The following SHISA9 variants were observed in gnomAD, a reference collection of about 807,000 sequenced individuals.
The protein encoded by SHISA9 is protein shisa-9.
Under a neutral mutation model 38.0 loss-of-function variants are expected in SHISA9, and 13 were observed. The ratio of observed to expected loss-of-function variants is 0.34; its 90% confidence interval spans 0.22 to 0.54. The LOEUF is 0.54. Ranked by LOEUF, SHISA9 falls within the 20% of genes least tolerant of loss-of-function variation. The pLI, the probability that SHISA9 is intolerant of heterozygous loss-of-function variation, is 0.91. For synonymous variants in SHISA9, 275 were observed against 242.0 expected, an observed-to-expected ratio of 1.14 and a Z score of -1.27; for missense variants, 538 against 575.8, an observed-to-expected ratio of 0.93 and a Z score of 0.67.
chr16:13,130,227 A>G (rs1351812951), intron 2 of SHISA9, among the ~76,000 whole-genome samples: 4 of 152,122 alleles, frequency 2.6e-5, no homozygotes, highest in Non-Finnish European at 5.9e-5. Context: ...ATCATTGATT[A>G]TGTCTTATTT....
At chr16:13,086,854 T>TA (rs1434486253) in intron 2 of SHISA9, among the ~76,000 whole-genome samples, 1 of 151,890 alleles carries the variant, frequency 6.6e-6, no homozygotes, top group African/African-American at 2.4e-5. Flanking sequence ...TGTTTTCTTT[T>TA]TTATTATTAT....
intron 2 of SHISA9, among the ~76,000 whole-genome samples, chr16:13,121,300 G>A (rs2050207902): frequency 6.6e-6 from 1 of 152,152 alleles, no homozygotes; most frequent in Non-Finnish European, 1.5e-5. Flanking sequence ...ACCAACCTGG[G>A]TAACATAGTG....
chr16:13,248,585 C>T, the SHISA9 span, among the ~76,000 whole-genome samples: 1 of 152,130 alleles, frequency 6.6e-6, no homozygotes, highest in African/African-American at 2.4e-5. Context: ...CCAGTCATAC[C>T]AACCTTGTCG....
chr16:12,928,591 T>C (rs2071423789), intron 2 of SHISA9, among the ~76,000 whole-genome samples: 1 of 152,224 alleles, frequency 6.6e-6, no homozygotes. Flanking sequence ...TCATTGTTAT[T>C]GGTGTAGAAC....
chr16:13,378,633 A>G, the SHISA9 span, among the ~76,000 whole-genome samples: 76 of 152,332 alleles, frequency 5.0e-4, no homozygotes, highest in African/African-American at 1.8e-3. Flanking sequence ...GGTTCTCTAT[A>G]GATTAATTCT....
chr16:13,482,816 AAG>A, the SHISA9 span, among the ~76,000 whole-genome samples: 840 of 148,878 alleles, frequency 5.6e-3, 149 homozygotes, highest in Middle Eastern at 0.017. Context: ...AAAAAAAAAA[AAG>A]AGAGAGAGAG....
chr16:13,233,817 C>T (rs1419916288), intron 4 of SHISA9, among the ~76,000 whole-genome samples: 28 of 152,102 alleles, frequency 1.8e-4, no homozygotes, highest in Admixed American at 1.8e-3. Flanking sequence ...TCAAGACCAG[C>T]CTGGGCAACA....
intron 2 of SHISA9, among the ~76,000 whole-genome samples, chr16:13,171,083 T>C (rs547575147): frequency 6.6e-6 from 1 of 152,334 alleles, no homozygotes; most frequent in African/African-American, 2.4e-5. Flanking sequence ...TCAGGAAGTT[T>C]CCAATCACGG....
the SHISA9 span, among the ~76,000 whole-genome samples, chr16:13,284,229 C>G: frequency 6.6e-6 from 1 of 152,152 alleles, no homozygotes; most frequent in African/African-American, 2.4e-5. Context: ...CAGGACTTAC[C>G]TAGGTGTTTC....
At chr16:13,537,781 C>T in the SHISA9 span, among the ~76,000 whole-genome samples, 2 of 152,064 alleles carry the variant, frequency 1.3e-5, no homozygotes, top group African/African-American at 2.4e-5. Context: ...AACTTTAAAC[C>T]TATGTTTCTG....
Position 12,980,572 on chromosome 16 carries a change from G to GT in SHISA9, c.691+63768dup, listed in dbSNP as rs35901561. Among the ~76,000 whole-genome samples, 509 of 143,966 alleles carry GT rather than the reference G, an allele frequency of 3.5e-3. 3 individuals carry two copies. The highest frequency in any genetic ancestry group is 0.012 in the East Asian group (58 of 4,880). 94.4% of individuals were successfully genotyped at this position (143,966 alleles called of 152,430 possible). A position where few individuals can be genotyped will look rare whatever the true frequency, so the allele number is the denominator to read the frequency against. ...TTTTCACTACAATGTGTCTAAATATGTTTTTTTTTTTAATTTCTCTTTTGG... is the reference window on the plus strand; with the variant it reads ...TTTTCACTACAATGTGTCTAAATATGTTTTTTTTTTTTAATTTCTCTTTTGG... On this transcript the variant is annotated intron_variant, in intron 2 of 4. Transcript: ENST00000558583.
chr16:13,201,359 T>C lies in SHISA9; in HGVS notation c.692-2035T>C, dbSNP rs999615329. On this transcript the variant is annotated intron_variant, in intron 2 of 4. Coordinates refer to ENST00000558583, the MANE Select transcript of SHISA9 (RefSeq NM_001145204.3). The stretch of plus-strand genomic sequence containing the variant: ...CTTTAAGTCATCTCTAGATTACTTA[T>C]AATACTAGTACAACACAGATGTTAT... 2.9e-5 allele frequency among the ~76,000 whole-genome samples: 4 copies of C among 136,422 alleles called. 1 individual carries two copies. In the East Asian group the frequency reaches 5.9e-4, roughly 20 times the overall value. The allele number at this position is 136,422 out of a possible 152,430, so 89.5% of individuals were successfully genotyped here.
At chr16:13,113,924 C>A (rs2074004170) in intron 2 of SHISA9, among the ~76,000 whole-genome samples, 1 of 152,182 alleles carries the variant, frequency 6.6e-6, no homozygotes, top group Non-Finnish European at 1.5e-5. Context: ...TCTTCTGTCA[C>A]TCCATTATTC....
At chr16:13,052,050 A>C (rs1288494517) in intron 2 of SHISA9, among the ~76,000 whole-genome samples, 1 of 152,216 alleles carries the variant, frequency 6.6e-6, no homozygotes, top group Non-Finnish European at 1.5e-5. Flanking sequence ...GGCGTCAACC[A>C]CTGCGCCCGG....
chr16:13,473,812 TTC>T, the SHISA9 span, among the ~76,000 whole-genome samples: 12 of 152,116 alleles, frequency 7.9e-5, no homozygotes, highest in East Asian at 1.9e-3. Context: ...TTTGTGTGTG[TTC>T]TTTTTTAAAT....
At chr16:13,501,124 C>G in the SHISA9 span, among the ~76,000 whole-genome samples, 1 of 152,132 alleles carries the variant, frequency 6.6e-6, no homozygotes, top group Non-Finnish European at 1.5e-5. Context: ...TAGTTTTCAA[C>G]CAAGGGTGCA....
At chr16:13,019,972 C>CCTCCTTCT (rs2072830244) in intron 2 of SHISA9, among the ~76,000 whole-genome samples, 1 of 85,282 alleles carries the variant, frequency 1.2e-5, no homozygotes, top group Non-Finnish European at 2.2e-5. Flanking sequence ...TCCTTCTTTC[C>CCTCCTTCT]TTCCTTCCTT....
the SHISA9 span, among the ~76,000 whole-genome samples, chr16:13,296,761 G>T: frequency 6.6e-6 from 1 of 151,358 alleles, no homozygotes; most frequent in East Asian, 1.9e-4. Flanking sequence ...TGTGGTTGTG[G>T]GTGCCTGTAA....
the SHISA9 span, among the ~76,000 whole-genome samples, chr16:13,493,568 C>T: frequency 1.3e-5 from 2 of 152,264 alleles, no homozygotes; most frequent in South Asian, 4.1e-4. Flanking sequence ...CTTTTATTGA[C>T]CCAATGCCCC....
Sources: gnomAD v4.1 joint callset for allele counts (sites outside exome capture counted in the v4.1 genomes callset) on GRCh38, gnomAD v4.1.1 for gene constraint, MANE v1.5 for transcripts, NCBI Gene and HGNC (gene_info 2026-07-23, HGNC 2026-07-21) for gene names.